The following EGF variants were observed in gnomAD, a reference collection of about 807,000 sequenced individuals.
EGF encodes pro-epidermal growth factor.
In EGF, 95 loss-of-function variants were observed where a neutral mutation model predicts 143.8. The observed-to-expected ratio is 0.66, with a 90% CI of 0.56 to 0.78. The LOEUF (loss-of-function observed/expected upper bound fraction) is 0.78. Ranked by LOEUF, EGF falls within the 30% of genes least tolerant of loss-of-function variation. The pLI is 0.00. For missense variants in EGF, 1,320 were observed against 1,470.9 expected (o/e 0.90, Z 1.68); for synonymous variants, 510 against 510.5 (o/e 1.00, Z 0.01).
intron 16 of EGF, among the ~76,000 whole-genome samples, chr4:109,986,823 G>A (rs1750195949): frequency 6.6e-6 from 1 of 152,064 alleles, no homozygotes; most frequent in African/African-American, 2.4e-5. Context: ...TTTCAATGGA[G>A]TATGAAATGA....
At chr4:109,945,699 A>G (rs1000617685) in intron 5 of EGF, among the ~76,000 whole-genome samples, 3 of 152,276 alleles carry the variant, frequency 2.0e-5, no homozygotes, top group African/African-American at 4.8e-5. Context: ...GCCAGTTTAT[A>G]TAGTATCTTT....
intron 1 of EGF, among the ~76,000 whole-genome samples, chr4:109,928,393 TA>T (rs1739104889): frequency 6.6e-6 from 1 of 152,184 alleles, no homozygotes; most frequent in Admixed American, 6.5e-5. Flanking sequence ...TTAAAAGACT[TA>T]TCATCTAAGG....
chr4:109,943,262 TAATATAGAGA>T lies in EGF; in HGVS notation c.339_348del (p.Asn113LysfsTer8), dbSNP rs1258621172. 1 of 1,603,848 alleles carries T rather than the reference TAATATAGAGA, an allele frequency of 6.2e-7. No individual in the cohort carries two copies. On this transcript the variant is annotated frameshift_variant, in exon 3 of 24. Transcript: ENST00000265171. LOFTEE classifies it high-confidence loss of function. ...AAAATTTGATTTTGCAGAGAGTATG[TAATATAGAGA>T]AAAATGTTTCTGGAATGGCAATAAA...
rs1236028716 is a variant in EGF at position 109,943,965 on chromosome 4, T to A, written c.633T>A (p.Asp211Glu). Residue 211 changes from aspartate (D) to glutamate (E), a missense_variant, in exon 4 of 24, where the codon GAT (aspartate) becomes GAA (glutamate). Asp to Glu is a conservative substitution (Grantham distance 45). This residue lies in a region of EGF where 1,186 missense variants were observed against 1,313.7 expected (regional missense o/e 0.90). Transcript: ENST00000265171. ...KITAVSLDVL[D>E]KRLFWIQYNR... ...CAGCTGTGTCATTGGATGTGCTTGATAAGCGGCTGTTTTGGATTCAGTACA... is the reference window on the plus strand; with the variant it reads ...CAGCTGTGTCATTGGATGTGCTTGAAAAGCGGCTGTTTTGGATTCAGTACA... The A allele has an allele frequency of 9.3e-6, 15 of 1,614,104 alleles. No individual in the cohort carries two copies. In the Admixed American group the frequency reaches 2.3e-4, roughly 25 times the overall value.
Position 109,993,226 on chromosome 4 carries a change from G to A in EGF, c.2735-21G>A, listed in dbSNP as rs376623338. 1.5e-4 allele frequency: 234 copies of A among 1,612,698 alleles called. 1 individual carries two copies. The highest frequency in any genetic ancestry group is 2.8e-4 in the African/African-American group (21 of 74,842). ...TTTCTGTACCCCACTTTTCTCTCCC[G>A]TACTCTGTCTTTTCTGACAGATATT... On this transcript the variant is annotated intron_variant, in intron 18 of 23. Transcript: ENST00000265171.
chr4:109,943,022 T>A (rs1237284415), intron 2 of EGF, among the ~76,000 whole-genome samples: 2 of 152,190 alleles, frequency 1.3e-5, no homozygotes, highest in African/African-American at 4.8e-5. Flanking sequence ...AATTTTTAGT[T>A]TCAAAGCTAT....
chr4:109,969,006 G>A lies in EGF; in HGVS notation c.1611G>A (p.Glu537=). ...CCCATACAGCCCTGAAGTGGATAGA[G>A]AGAGCTAATATGGATGGTTCCCAGC... is the stretch of plus-strand genomic sequence containing the variant. The part of the protein sequence containing the change: ...YFAHTALKWI[E]RANMDGSQRE... The change falls in exon 11 of 24, where the codon GAG becomes GAA. Residue 537 remains glutamate, a synonymous_variant. Coordinates refer to ENST00000265171, the MANE Select transcript of EGF (RefSeq NM_001963.6). 2 of 1,614,166 alleles carry A rather than the reference G, an allele frequency of 1.2e-6. No individual in the cohort carries two copies. Among genetic ancestry groups the A allele is most frequent in the Non-Finnish European group, 1.7e-6 (2 of 1,180,002 alleles).
At position 109,940,956 on chromosome 4, in the gene EGF, C is replaced by G; in HGVS notation, c.138C>G (p.Pro46=). 2 of 1,614,030 alleles carry G rather than the reference C, an allele frequency of 1.2e-6. No homozygotes were observed. Among genetic ancestry groups the G allele is most frequent in the South Asian group, 1.1e-5 (1 of 91,076 alleles). ...TTTCTTCCCACCCAGGTCCTGCACC[C>G]TTCTTAATTTTCTCCCATGGAAATA... ...NGNSTCVGPA[P]FLIFSHGNSI... Residue 46 remains proline (P), a synonymous_variant, in exon 2 of 24, where the codon CCC becomes CCG. Transcript: ENST00000265171.
At chr4:109,969,684 A>G (rs2126083977) in intron 11 of EGF, among the ~76,000 whole-genome samples, 1 of 152,286 alleles carries the variant, frequency 6.6e-6, no homozygotes, top group South Asian at 2.1e-4. Flanking sequence ...AATATAAGCA[A>G]TAAGCATTCT....
chr4:109,986,329 G>T (rs150970718), intron 16 of EGF, among the ~76,000 whole-genome samples: 59 of 152,286 alleles, frequency 3.9e-4, no homozygotes, highest in African/African-American at 1.4e-3. Flanking sequence ...ACTCTGAGCA[G>T]CCTTGTGATT....
chr4:109,951,701 G>C (rs1421967065), intron 5 of EGF, among the ~76,000 whole-genome samples: 2 of 152,188 alleles, frequency 1.3e-5, no homozygotes, highest in Non-Finnish European at 2.9e-5. Flanking sequence ...CTGAGGTTTA[G>C]AGATGTCACA....
intron 15 of EGF, among the ~76,000 whole-genome samples, chr4:109,983,138 G>C (rs929713024): frequency 6.6e-6 from 1 of 152,110 alleles, no homozygotes; most frequent in Non-Finnish European, 1.5e-5. Flanking sequence ...GAGGGTTTTG[G>C]TATTTTACTC....
rs183853227 is a variant in EGF, at chr4:109,972,650, A to G, written c.1725-2053A>G. Among the ~76,000 whole-genome samples the G allele has an allele frequency of 5.8e-4, 89 of 152,326 alleles. 1 individual carries two copies. Among genetic ancestry groups the G allele is most frequent in the African/African-American group, 2.1e-3 (86 of 41,572 alleles). ...GACCACTTCATCCGGGAGTAAAATT[A>G]TCTTTTTAAAGTGGCACTGGAGTAG... On this transcript the variant is annotated intron_variant, in intron 11 of 23. Transcript: ENST00000265171.
At chr4:109,935,115 T>G (rs1740525982) in intron 1 of EGF, among the ~76,000 whole-genome samples, 1 of 152,198 alleles carries the variant, frequency 6.6e-6, no homozygotes, top group Non-Finnish European at 1.5e-5. Flanking sequence ...AGGGGTAGCT[T>G]GATGGGGATA....
rs1741847143 is a variant in EGF, at chr4:109,941,068, A to G, written c.250A>G (p.Asn84Asp). The change falls in exon 2 of 24, where the codon AAT becomes GAT. Residue 84 changes from asparagine to aspartate, a missense_variant. This residue lies in a region of EGF where 9 missense variants were observed against 26.6 expected (regional missense o/e 0.34). Coordinates refer to ENST00000265171, the MANE Select transcript of EGF (RefSeq NM_001963.6). ...CTCAGTGATCATGGATTTTCATTAT[A>G]ATGAGAAAAGAATCTATTGGGTGGA... ...GVSVIMDFHY[N>D]EKRIYWVDLE... 1 of 1,613,964 alleles carries G rather than the reference A, an allele frequency of 6.2e-7. No homozygotes were observed. Among genetic ancestry groups the G allele is most frequent in the South Asian group, 1.1e-5 (1 of 91,080 alleles).
At chr4:109,931,971 A>G (rs1001955998) in intron 1 of EGF, among the ~76,000 whole-genome samples, 11 of 152,140 alleles carry the variant, frequency 7.2e-5, no homozygotes, top group Non-Finnish European at 1.6e-4. Context: ...TTAGTGCTAT[A>G]ATTTGTGCTT....
In EGF at chr4:109,974,694, A is replaced by G; in HGVS notation, c.1725-9A>G. The G allele has an allele frequency of 1.2e-6, 2 of 1,604,066 alleles. No individual in the cohort carries two copies. Among genetic ancestry groups the G allele is most frequent in the East Asian group, 4.5e-5 (2 of 44,790 alleles). ...TATAACAAACTCCCTTATTTTGCAC[A>G]TATTTTAGGAAATCTCTGATTGGAA... On this transcript the variant is annotated splice_polypyrimidine_tract_variant and intron_variant, in intron 11 of 23. Coordinates refer to ENST00000265171, the MANE Select transcript of EGF (RefSeq NM_001963.6).
chr4:109,921,714 A>G (rs1560626961), intron 1 of EGF, among the ~76,000 whole-genome samples: 1 of 151,528 alleles, frequency 6.6e-6, no homozygotes, highest in Non-Finnish European at 1.5e-5. Flanking sequence ...TAGGATACAG[A>G]TAGTCACAAC....
At chr4:109,979,826 G>C in intron 13 of EGF, 146 bp from the exon 14 acceptor site, 1 of 860,486 alleles carries the variant, frequency 1.2e-6, no homozygotes. Flanking sequence ...GCAGGTGTGT[G>C]AGTCGGTGGC....
Sources: gnomAD v4.1 joint callset for allele counts (sites outside exome capture counted in the v4.1 genomes callset) on GRCh38, gnomAD v4.1.1 for gene constraint, gnomAD v4.1.1 regional missense constraint, MANE v1.5 for transcripts, NCBI Gene and HGNC (gene_info 2026-07-23, HGNC 2026-07-21) for gene names.